RXRA: variants seen among roughly 807,000 people sequenced by gnomAD.
RXRA encodes the protein retinoic acid receptor RXR-alpha.
RXRA carries 5 observed loss-of-function variants against 44.5 expected under a neutral mutation model. The observed-to-expected ratio is 0.11, with a 90% confidence interval of 0.06 to 0.24. The LOEUF is 0.24. RXRA is among the 10% of genes least tolerant of loss of function. The pLI is 1.00. For missense variants in RXRA, 412 were observed against 646.5 expected, an observed-to-expected ratio of 0.64 and a Z score of 3.93; for synonymous variants, 291 against 271.4, an observed-to-expected ratio of 1.07 and a Z score of -0.71.
At chr9:134,425,270 C>T (rs529034376) in intron 6 of RXRA, 1 of 985,306 alleles carries the variant, frequency 1.0e-6, no homozygotes, top group South Asian at 4.7e-5. Context: ...GGGCTGCTGC[C>T]CTACCCGTCC....
chr9:134,411,474 A>G (rs992380037), intron 4 of RXRA, among the ~76,000 whole-genome samples: 1 of 152,220 alleles, frequency 6.6e-6, no homozygotes, highest in Non-Finnish European at 1.5e-5. Context: ...CCTGTGAGAC[A>G]GAGAAATGGG....
intron 1 of RXRA, chr9:134,379,399 C>T: frequency 3.0e-6 from 3 of 987,516 alleles, no homozygotes; most frequent in Non-Finnish European, 3.6e-6. Flanking sequence ...TTCTGGGGCA[C>T]CCTGAGATGG....
intron 1 of RXRA, among the ~76,000 whole-genome samples, chr9:134,341,292 G>A (rs374662419): frequency 6.6e-6 from 1 of 152,156 alleles, no homozygotes; most frequent in Non-Finnish European, 1.5e-5. Flanking sequence ...CAGCAGAGTC[G>A]GGATTTGAAC....
chr9:134,381,964 C>G (rs191758086), intron 1 of RXRA, among the ~76,000 whole-genome samples: 146 of 152,262 alleles, frequency 9.6e-4, no homozygotes, highest in Admixed American at 1.6e-3. Context: ...AGCCACCGCT[C>G]CCTCGGTGTA....
At chr9:134,329,028 C>T (rs1212183642) in intron 1 of RXRA, among the ~76,000 whole-genome samples, 2 of 152,238 alleles carry the variant, frequency 1.3e-5, no homozygotes, top group African/African-American at 2.4e-5. Context: ...CCACGCCTGC[C>T]GGGGAGAAGG....
At chr9:134,346,445 C>T (rs1425402945) in intron 1 of RXRA, among the ~76,000 whole-genome samples, 14 of 152,234 alleles carry the variant, frequency 9.2e-5, no homozygotes, top group East Asian at 5.8e-4. Flanking sequence ...GCCTCACCCC[C>T]ACTGGTCCTT....
intron 1 of RXRA, among the ~76,000 whole-genome samples, chr9:134,393,652 G>C (rs1221239709): frequency 6.6e-6 from 1 of 152,200 alleles, no homozygotes; most frequent in African/African-American, 2.4e-5. Context: ...AGGGGAGTAG[G>C]CATGACAGGG....
At chr9:134,423,798 C>G (rs1831387592) in intron 6 of RXRA, 8 of 985,464 alleles carry the variant, frequency 8.1e-6, no homozygotes, top group Non-Finnish European at 9.6e-6. Context: ...CCTGGCTTTG[C>G]CAGCTGCAGG....
chr9:134,385,942 G>C (rs183713102), intron 1 of RXRA, among the ~76,000 whole-genome samples: 1 of 152,252 alleles, frequency 6.6e-6, no homozygotes, highest in Non-Finnish European at 1.5e-5. Context: ...GACCATCTGC[G>C]GCACCAGCTG....
intron 1 of RXRA, among the ~76,000 whole-genome samples, chr9:134,393,764 C>T (rs575188604): frequency 1.3e-5 from 2 of 152,284 alleles, no homozygotes; most frequent in East Asian, 3.9e-4. Flanking sequence ...ACTGACTGCT[C>T]ATGGGGAGCC....
At chr9:134,353,599 C>T (rs1478772277) in intron 1 of RXRA, among the ~76,000 whole-genome samples, 2 of 152,248 alleles carry the variant, frequency 1.3e-5, no homozygotes, top group African/African-American at 2.4e-5. Context: ...ACCTCCAACA[C>T]TGCTTCTCCC....
rs767294610 is a variant in RXRA at position 134,409,031 on chromosome 9, C to T, written c.522C>T (p.Asn174=). ...ACCTGACCTACACCTGCCGCGACAA[C>T]AAGGACTGCCTGATTGACAAGCGGC... is the stretch of plus-strand genomic sequence containing the variant. ...RKDLTYTCRD[N]KDCLIDKRQR... is the part of the protein sequence containing the mutation. The change falls in exon 4 of 10, where the codon AAC becomes AAT. Residue 174 remains asparagine, a synonymous_variant. Transcript: ENST00000481739. 3.7e-6 allele frequency: 6 copies of T among 1,612,318 alleles called. No individual in the cohort carries two copies. The highest frequency in any genetic ancestry group is 1.7e-5 in the Admixed American group (1 of 59,908).
rs898310756 is a variant in RXRA at position 134,433,648 on chromosome 9, G to A, written c.1136-454G>A. Among the ~76,000 whole-genome samples the A allele has an allele frequency of 2.6e-5, 4 of 152,200 alleles. No homozygotes were observed. The highest frequency in any genetic ancestry group is 4.4e-5 in the Non-Finnish European group (3 of 67,990). On this transcript the variant is annotated intron_variant, in intron 8 of 9. Coordinates refer to ENST00000481739, the MANE Select transcript of RXRA (RefSeq NM_002957.6). This position sits in a 1 kb window ranked among gnomAD's most constrained non-coding sequence, Gnocchi z 4.2. ...GAGCTCAGGACTCCGCAAGCACACC[G>A]AGGATGGGTTTCCGCAGGGTCTGGG...
intron 2 of RXRA, 60 bp from the exon 3 acceptor site, chr9:134,408,089 G>T: frequency 1.5e-6 from 2 of 1,352,678 alleles, no homozygotes; most frequent in Non-Finnish European, 2.0e-6. Context: ...GCAGGGCCGT[G>T]GGGGACATAG....
chr9:134,334,519 C>T (rs1554747064), intron 1 of RXRA, among the ~76,000 whole-genome samples: 1 of 152,268 alleles, frequency 6.6e-6, no homozygotes, highest in Non-Finnish European at 1.5e-5. Flanking sequence ...GCAGTGATAG[C>T]ATGGGCTGTG....
chr9:134,361,509 C>A (rs372167250), intron 1 of RXRA, among the ~76,000 whole-genome samples: 1 of 152,038 alleles, frequency 6.6e-6, no homozygotes, highest in Non-Finnish European at 1.5e-5. Context: ...TGGGAAGGTG[C>A]GGGTGACAGA....
In RXRA at chr9:134,434,129, A is replaced by G; in HGVS notation, c.1163A>G (p.Glu388Gly). Residue 388 changes from glutamate (E) to glycine (G), a missense_variant, in exon 9 of 10, where the codon GAG (glutamate) becomes GGG (glycine). By Grantham distance (98) the Glu-to-Gly change is moderately conservative. Transcript: ENST00000481739. ...PDSKGLSNPAEVEALREKVYA... is the reference protein window; with the variant it reads ...PDSKGLSNPAGVEALREKVYA... ...TCCAAGGGGCTCTCGAACCCGGCCG[A>G]GGTGGAGGCGCTGAGGGAGAAGGTC... is the stretch of plus-strand genomic sequence containing the variant. 1 of 1,613,668 alleles carries G rather than the reference A, an allele frequency of 6.2e-7. No individual in the cohort carries two copies. The highest frequency in any genetic ancestry group is 8.5e-7 in the Non-Finnish European group (1 of 1,179,886).
At chr9:134,341,505 T>C (rs1830085960) in intron 1 of RXRA, among the ~76,000 whole-genome samples, 1 of 152,098 alleles carries the variant, frequency 6.6e-6, no homozygotes, top group African/African-American at 2.4e-5. Flanking sequence ...TTATTTCCTA[T>C]TTTTACTTCC....
Position 134,408,959 on chromosome 9 carries a change from C to T in RXRA, c.450C>T (p.Tyr150=), listed in dbSNP as rs1257757464. The change falls in exon 4 of 10, where the codon TAC becomes TAT. Residue 150 remains tyrosine (Y), a synonymous_variant. Coordinates refer to ENST00000481739, the MANE Select transcript of RXRA (RefSeq NM_002957.6). The part of the protein sequence containing the change: ...DRSSGKHYGV[Y]SCEGCKGFFK... ...CCGCAGGCAAGCACTATGGAGTGTA[C>T]AGCTGCGAGGGGTGCAAGGGCTTCT... The T allele has an allele frequency of 1.3e-6, 2 of 1,594,588 alleles. No individual in the cohort carries two copies. Among genetic ancestry groups the T allele is most frequent in the Non-Finnish European group, 1.7e-6 (2 of 1,170,104 alleles).
Sources: gnomAD v4.1 joint callset for allele counts (sites outside exome capture counted in the v4.1 genomes callset) on GRCh38, gnomAD v4.1.1 for gene constraint, Gnocchi (gnomAD v3.1) non-coding constraint, MANE v1.5 for transcripts, NCBI Gene and HGNC (gene_info 2026-07-23, HGNC 2026-07-21) for gene names.